The following PPP4R3B variants were observed in gnomAD, a reference collection of about 807,000 sequenced individuals.
PPP4R3B encodes serine/threonine-protein phosphatase 4 regulatory subunit 3B.
PPP4R3B carries 52 observed loss-of-function variants against 95.4 expected under a neutral mutation model. The observed-to-expected ratio is 0.54, with a 90% CI of 0.44 to 0.69. PPP4R3B has a LOEUF of 0.69. Ranked by LOEUF, PPP4R3B falls within the 30% of genes least tolerant of loss-of-function variation. PPP4R3B has a pLI of 0.00. For synonymous variants in PPP4R3B, 407 were observed against 343.9 expected (o/e 1.18, Z -2.03); for missense variants, 1,003 against 1,005.9 (o/e 1.00, Z 0.04).
intron 4 of PPP4R3B, among the ~76,000 whole-genome samples, chr2:55,595,615 A>C (rs933229264): frequency 2.0e-5 from 3 of 152,224 alleles, no homozygotes; most frequent in Admixed American, 6.5e-5. Flanking sequence ...TTTTATAAAA[A>C]AGAGTAGCCC....
chr2:55,555,140 C>T (rs1007340877), intron 16 of PPP4R3B, among the ~76,000 whole-genome samples: 5 of 151,924 alleles, frequency 3.3e-5, no homozygotes, highest in Admixed American at 1.3e-4. Context: ...ATTAGCCAGG[C>T]GTGGTGGTGG....
At chr2:55,604,457 T>A in intron 2 of PPP4R3B, among the ~76,000 whole-genome samples, 1 of 152,052 alleles carries the variant, frequency 6.6e-6, no homozygotes, top group East Asian at 1.9e-4. Flanking sequence ...TATTTATCCT[T>A]CCCTTTGAGC....
chr2:55,585,048 T>TA lies in PPP4R3B; in HGVS notation c.1233+2dup, dbSNP rs1486483977. The TA allele has an allele frequency of 6.2e-7, 1 of 1,601,272 alleles. No individual in the cohort carries two copies. The highest frequency in any genetic ancestry group is 1.7e-5 in the Admixed American group (1 of 59,414). Reference sequence around the variant, plus strand: ...CACATAGAACCACAGCATTATTACTTACGTCATCACTCTGCTGAGCTTCTT... The same window carrying TA: ...CACATAGAACCACAGCATTATTACTTAACGTCATCACTCTGCTGAGCTTCTT... On this transcript the variant is annotated splice_region_variant and intron_variant, in intron 7 of 16. Transcript: ENST00000616407.
At chr2:55,609,281 C>G (rs1287088279) in intron 2 of PPP4R3B, among the ~76,000 whole-genome samples, 1 of 152,044 alleles carries the variant, frequency 6.6e-6, no homozygotes, top group Non-Finnish European at 1.5e-5. Flanking sequence ...GCCTCAGCCC[C>G]GAAAAGCTGG....
intron 2 of PPP4R3B, among the ~76,000 whole-genome samples, chr2:55,606,680 G>A (rs894974179): frequency 1.3e-5 from 2 of 151,806 alleles, no homozygotes; most frequent in Non-Finnish European, 2.9e-5. Flanking sequence ...AGAATTAGCC[G>A]GGTGTGGTAG....
At chr2:55,573,252 A>G (rs991453903) in intron 12 of PPP4R3B, among the ~76,000 whole-genome samples, 9 of 152,190 alleles carry the variant, frequency 5.9e-5, no homozygotes, top group African/African-American at 1.9e-4. Flanking sequence ...GACAGTTTAT[A>G]GTCTGCTAAA....
chr2:55,592,587 A>T (rs1240565195), intron 4 of PPP4R3B, among the ~76,000 whole-genome samples: 1 of 152,128 alleles, frequency 6.6e-6, no homozygotes, highest in Admixed American at 6.6e-5. Context: ...GAAGTTAGAA[A>T]TTTTTCTCTT....
chr2:55,582,322 G>C, intron 7 of PPP4R3B, among the ~76,000 whole-genome samples: 1 of 151,960 alleles, frequency 6.6e-6, no homozygotes, highest in African/African-American at 2.4e-5. Context: ...GAGTGCAGTG[G>C]GGCAATCTGG....
Position 55,559,086 on chromosome 2 carries a change from G to A in PPP4R3B, c.2261-118C>T, listed in dbSNP as rs998663183. ...TTGCTGCCCGGGCATGGTGGCTCACGCCTGTAATCCCAACACTTTGGGAGG... is the reference window on the plus strand; with the variant it reads ...TTGCTGCCCGGGCATGGTGGCTCACACCTGTAATCCCAACACTTTGGGAGG... On this transcript the variant is annotated intron_variant, in intron 15 of 16. Transcript: ENST00000616407. 2.3e-5 allele frequency: 18 copies of A among 775,914 alleles called. No homozygotes were observed. In the African/African-American group the frequency reaches 3.0e-4, roughly 13 times the overall value. The allele number at this position is 775,914 out of a possible 1,614,324, so 48.1% of individuals were successfully genotyped here.
In PPP4R3B at chr2:55,600,426, CAAAAAAAAAAAAAA is replaced by C. The variant is rs60764774; in HGVS notation, c.298-1401_298-1388del. Among the ~76,000 whole-genome samples the C allele has an allele frequency of 3.7e-3, 81 of 22,184 alleles. 3 individuals are homozygous for C. The South Asian group carries it at 0.063, about 17-fold the overall frequency. 14.6% of individuals were successfully genotyped at this position (22,184 alleles called of 152,430 possible). A position where few individuals can be genotyped will look rare whatever the true frequency, so the allele number is the denominator to read the frequency against. On this transcript the variant is annotated intron_variant, in intron 3 of 16. Transcript: ENST00000616407. ...GGGCAACGAGAGTGAAACTCTGTCT[CAAAAAAAAAAAAAA>C]AAAAAAAAAAAAAAAAGGCGGGCAG...
At chr2:55,595,524 T>C (rs1179942779) in intron 4 of PPP4R3B, among the ~76,000 whole-genome samples, 1 of 151,790 alleles carries the variant, frequency 6.6e-6, no homozygotes, top group Non-Finnish European at 1.5e-5. Flanking sequence ...AAAATATTTA[T>C]GAATTCATTT....
chr2:55,613,461 T>C (rs1282472138), intron 2 of PPP4R3B, among the ~76,000 whole-genome samples: 2 of 152,090 alleles, frequency 1.3e-5, no homozygotes, highest in East Asian at 3.8e-4. Flanking sequence ...TTTTTTTAAA[T>C]AATGCATTTT....
intron 4 of PPP4R3B, among the ~76,000 whole-genome samples, chr2:55,597,994 G>A (rs1342331750): frequency 1.3e-5 from 2 of 152,064 alleles, no homozygotes; most frequent in Non-Finnish European, 2.9e-5. Flanking sequence ...GAGGCGGGCG[G>A]ACTGCCTGAG....
intron 13 of PPP4R3B, among the ~76,000 whole-genome samples, chr2:55,567,153 CAT>C (rs1687418522): frequency 6.6e-6 from 1 of 152,202 alleles, no homozygotes; most frequent in Non-Finnish European, 1.5e-5. Flanking sequence ...CTGTTATTCA[CAT>C]AGACTGCCCT....
chr2:55,598,361 T>C (rs1692088287), intron 4 of PPP4R3B, 55 bp downstream of exon 4: 10 of 1,557,650 alleles, frequency 6.4e-6, no homozygotes, highest in Admixed American at 1.9e-5. Flanking sequence ...GCTTGAACTA[T>C]TAAGGGAACT....
At chr2:55,564,810 AT>A (rs1687080524) in intron 14 of PPP4R3B, 91 bp downstream of exon 14, 1 of 1,474,076 alleles carries the variant, frequency 6.8e-7, no homozygotes, top group African/African-American at 1.4e-5. Context: ...TGGAAAGAAA[AT>A]TCCTCAGTAA....
chr2:55,604,763 G>C (rs550323804), intron 2 of PPP4R3B, among the ~76,000 whole-genome samples: 2 of 151,854 alleles, frequency 1.3e-5, no homozygotes, highest in African/African-American at 4.8e-5. Flanking sequence ...CCTTGTATTA[G>C]AAACCAAGGT....
At chr2:55,565,728 C>A in intron 13 of PPP4R3B, 1 of 211,376 alleles carries the variant, frequency 4.7e-6, no homozygotes, top group South Asian at 8.8e-5. Flanking sequence ...CTTTCTGGTA[C>A]ATTTGTTAAG....
chr2:55,583,362 G>A (rs1006158731), intron 7 of PPP4R3B, among the ~76,000 whole-genome samples: 2 of 151,764 alleles, frequency 1.3e-5, no homozygotes, highest in African/African-American at 4.8e-5. Context: ...CTAGAAGGTT[G>A]TTATAAGAAA....
Sources: gnomAD v4.1 joint callset for allele counts (sites outside exome capture counted in the v4.1 genomes callset) on GRCh38, gnomAD v4.1.1 for gene constraint, MANE v1.5 for transcripts, NCBI Gene and HGNC (gene_info 2026-07-23, HGNC 2026-07-21) for gene names.